Variants in MYOF observed in about 807,000 individuals in gnomAD.
The protein encoded by MYOF is myoferlin.
A neutral mutation model predicts 284.2 loss-of-function variants in MYOF; 244 were observed. The ratio of observed to expected loss-of-function variants is 0.86; its 90% CI spans 0.77 to 0.95. MYOF has a LOEUF of 0.95. Ranked by LOEUF, MYOF falls within the 40% of genes least tolerant of loss-of-function variation. MYOF has a pLI of 0.00. For missense variants in MYOF, 2,496 were observed against 2,560.6 expected (o/e 0.97, Z 0.54); for synonymous variants, 904 against 919.7 (o/e 0.98, Z 0.31).
intron 21 of MYOF, among the ~76,000 whole-genome samples, chr10:93,378,691 GTGTATATA>G (rs1845961109): frequency 2.4e-5 from 1 of 42,256 alleles, no homozygotes; most frequent in African/African-American, 9.4e-5. Context: ...ATGTGTGTGT[GTGTATATA>G]TATATATATA....
At chr10:93,339,197 G>C (rs1843761554) in intron 39 of MYOF, among the ~76,000 whole-genome samples, 1 of 152,038 alleles carries the variant, frequency 6.6e-6, no homozygotes, top group South Asian at 2.1e-4. Context: ...ATTTTTAGTA[G>C]AGATGGGGTT....
chr10:93,431,762 T>G (rs75477845), intron 3 of MYOF, among the ~76,000 whole-genome samples: 1 of 151,052 alleles, frequency 6.6e-6, no homozygotes, highest in Admixed American at 6.6e-5. Flanking sequence ...TTTTTTTTTT[T>G]TGAGACAGAC....
intron 17 of MYOF, among the ~76,000 whole-genome samples, chr10:93,390,240 A>G (rs1411316033): frequency 6.6e-6 from 1 of 152,224 alleles, no homozygotes; most frequent in Non-Finnish European, 1.5e-5. Context: ...ATAGACATAT[A>G]CTGCACAGTC....
chr10:93,333,474 G>T (rs1279309390), intron 42 of MYOF, among the ~76,000 whole-genome samples, 162 bp from the exon 43 acceptor site: 1 of 151,652 alleles, frequency 6.6e-6, no homozygotes, highest in African/African-American at 2.4e-5. Flanking sequence ...TCTCCTTTGG[G>T]TGGCATGCAG....
Position 93,364,070 on chromosome 10 carries a change from A to G in MYOF, c.2759T>C (p.Leu920Pro). 1 of 1,614,084 alleles carries G rather than the reference A, an allele frequency of 6.2e-7. No individual in the cohort carries two copies. Reference protein sequence around the residue: ...EWIVDPERSLLTEADAGHTEF... With the variant: ...EWIVDPERSLPTEADAGHTEF... ...CGTGTGACCTGCATCTGCCTCAGTC[A>G]GCAAGCTGTGGGGCGGGGAGGGCTC... The change falls in exon 27 of 54, where the codon CTG (leucine) becomes CCG (proline). Residue 920 changes from leucine (L) to proline (P), a missense_variant. Physicochemically the swap from Leu to Pro is moderately conservative, Grantham distance 98. This residue lies in a region of MYOF where 2,436 missense variants were observed against 2,480.7 expected (regional missense o/e 0.98). Transcript: ENST00000359263.
chr10:93,367,160 G>A (rs951776327), intron 25 of MYOF, among the ~76,000 whole-genome samples: 2 of 152,214 alleles, frequency 1.3e-5, no homozygotes, highest in Non-Finnish European at 2.9e-5. Context: ...GTGGCAAGGA[G>A]ACCAAGGCCT....
At chr10:93,412,215 T>C (rs1847925258) in intron 5 of MYOF, among the ~76,000 whole-genome samples, 1 of 152,196 alleles carries the variant, frequency 6.6e-6, no homozygotes. Context: ...CTCTCTGGTA[T>C]AAAACTGGGT....
chr10:93,360,841 T>C (rs1845034914), intron 28 of MYOF, among the ~76,000 whole-genome samples: 1 of 152,024 alleles, frequency 6.6e-6, no homozygotes, highest in African/African-American at 2.4e-5. Context: ...ATAGAGAAAA[T>C]CTTGACTCCA....
intron 48 of MYOF, among the ~76,000 whole-genome samples, chr10:93,322,214 G>GA (rs1842870975): frequency 6.6e-6 from 1 of 152,062 alleles, no homozygotes; most frequent in Non-Finnish European, 1.5e-5. Flanking sequence ...GTGAAACTTT[G>GA]TTCTCACTTT....
intron 44 of MYOF, 69 bp downstream of exon 44, chr10:93,329,595 G>T: frequency 6.5e-7 from 1 of 1,542,586 alleles, no homozygotes; most frequent in Non-Finnish European, 8.9e-7. Context: ...TAAGGTAGAG[G>T]GCCTAGGCCT....
At position 93,316,702 on chromosome 10, in the gene MYOF, T is replaced by G; in HGVS notation, c.5698+12A>C. On this transcript the variant is annotated intron_variant, in intron 50 of 53. Transcript: ENST00000359263. ...AGTTTCTTAGAAACAATGATCCAAA[T>G]GTAAGCCCTACCCAAGTAGTCATCC... 6.3e-7 allele frequency: 1 copy of G among 1,594,482 alleles called. No homozygotes were observed. The highest frequency in any genetic ancestry group is 8.6e-7 in the Non-Finnish European group (1 of 1,162,350).
chr10:93,310,804 C>T (rs1842350282), intron 51 of MYOF, among the ~76,000 whole-genome samples, 161 bp from the exon 52 acceptor site: 1 of 152,134 alleles, frequency 6.6e-6, no homozygotes, highest in African/African-American at 2.4e-5. Flanking sequence ...TTTCCTCTTC[C>T]ATGTGTTTCT....
At position 93,451,914 on chromosome 10, in the gene MYOF, G is replaced by C. The variant is rs555935136; in HGVS notation, c.236+136C>G. Reference sequence around the variant, plus strand: ...GCCACATCTGCTATTGGCTTAGAAGGGAGCGGGGCATGGAATTAAAGCACA... The same window carrying C: ...GCCACATCTGCTATTGGCTTAGAAGCGAGCGGGGCATGGAATTAAAGCACA... On this transcript the variant is annotated intron_variant, in intron 3 of 53. Transcript: ENST00000359263. 1,066 of 706,892 alleles carry C rather than the reference G, an allele frequency of 1.5e-3. 10 individuals are homozygous for C. Among genetic ancestry groups the C allele is most frequent in the South Asian group, 2.1e-3 (119 of 55,976 alleles). 43.8% of individuals were successfully genotyped at this position (706,892 alleles called of 1,614,324 possible).
intron 26 of MYOF, among the ~76,000 whole-genome samples, chr10:93,364,993 A>G (rs1002689850): frequency 2.0e-5 from 3 of 152,070 alleles, no homozygotes; most frequent in African/African-American, 4.8e-5. Flanking sequence ...TGCTTTTTCT[A>G]TCACAATTTC....
chr10:93,427,174 C>T (rs1848627144), intron 4 of MYOF, among the ~76,000 whole-genome samples: 3 of 150,594 alleles, frequency 2.0e-5, no homozygotes, highest in African/African-American at 4.9e-5. Context: ...GAATGAGCCA[C>T]CGTGCCCGGG....
At chr10:93,373,118 C>G (rs1564659557) in intron 23 of MYOF, 33 bp from the exon 24 acceptor site, 1 of 1,613,760 alleles carries the variant, frequency 6.2e-7, no homozygotes, top group Non-Finnish European at 8.5e-7. Flanking sequence ...AGAGGAAGCA[C>G]AGCCATGGTT....
intron 38 of MYOF, 193 bp from the exon 39 acceptor site, chr10:93,340,357 C>T (rs1200167003): frequency 1.8e-5 from 10 of 566,940 alleles, no homozygotes; most frequent in Non-Finnish European, 1.2e-5. Context: ...ACAACTGAAC[C>T]CACCTTACTG....
Position 93,319,999 on chromosome 10 carries a change from T to G in MYOF, c.5471A>C (p.Asn1824Thr). ...DIYVKGWIPG[N>T]EENKQKTDVH... ...ATCTGTTTTCTGTTTGTTTTCTTCA[T>G]TGCCAGGAATCCAGCTGAAAGGCAG... The change falls in exon 49 of 54, where the codon AAT (asparagine) becomes ACT (threonine). Residue 1824 changes from asparagine (N) to threonine (T), a missense_variant. Physicochemically the swap from Asn to Thr is moderately conservative, Grantham distance 65. Transcript: ENST00000359263. 2 of 1,614,212 alleles carry G rather than the reference T, an allele frequency of 1.2e-6. 1 individual carries two copies. Among genetic ancestry groups the G allele is most frequent in the Non-Finnish European group, 1.7e-6 (2 of 1,180,016 alleles).
At chr10:93,324,743 G>T (rs563660966) in intron 46 of MYOF, among the ~76,000 whole-genome samples, 63 of 152,092 alleles carry the variant, frequency 4.1e-4, no homozygotes, top group Middle Eastern at 3.4e-3. Context: ...TTGCTGTCAG[G>T]GTCAACAATA....
Sources: allele counts gnomAD v4.1 joint callset (sites outside exome capture counted in the v4.1 genomes callset), GRCh38; gene constraint gnomAD v4.1.1; regional missense constraint gnomAD v4.1.1; transcripts MANE v1.5; gene names NCBI Gene and HGNC (gene_info 2026-07-23, HGNC 2026-07-21).